WDFY2: variants seen among roughly 807,000 people sequenced by gnomAD.
WDFY2 encodes WD repeat and FYVE domain-containing protein 2.
Under a neutral mutation model 56.4 loss-of-function variants are expected in WDFY2, and 36 were observed. That is an observed-to-expected ratio of 0.64 (90% CI 0.49 to 0.84). The LOEUF is 0.84. Among genes scored for constraint, WDFY2 ranks in the 40% least tolerant of loss-of-function variants. The probability of loss-of-function intolerance (pLI) is 0.00; values close to 1 mark genes in which losing one functional copy is unlikely to be tolerated. For missense variants in WDFY2, 444 were observed against 512.2 expected (o/e 0.87, Z 1.29); for synonymous variants, 176 against 183.7 (o/e 0.96, Z 0.34).
chr13:51,703,225 G>T (rs2138582642), intron 3 of WDFY2, among the ~76,000 whole-genome samples: 1 of 152,248 alleles, frequency 6.6e-6, no homozygotes, highest in Admixed American at 6.5e-5. Flanking sequence ...TATTTCTTTA[G>T]CAGAAATGCT....
At chr13:51,733,966 C>G (rs1952779575) in intron 6 of WDFY2, among the ~76,000 whole-genome samples, 1 of 152,112 alleles carries the variant, frequency 6.6e-6, no homozygotes, top group Non-Finnish European at 1.5e-5. Context: ...AGATGGAGGG[C>G]CTTTAGCTTG....
At chr13:51,618,177 G>C (rs1954656340) in intron 1 of WDFY2, among the ~76,000 whole-genome samples, 1 of 152,200 alleles carries the variant, frequency 6.6e-6, no homozygotes, top group African/African-American at 2.4e-5. Context: ...ACTACCTGAA[G>C]CATATTAGTA....
rs889059338 is a variant in WDFY2, at chr13:51,617,491, C to T, written c.137+32667C>T. Among the ~76,000 whole-genome samples the T allele has an allele frequency of 2.6e-5, 4 of 152,216 alleles. No homozygotes were observed. In the East Asian group the frequency reaches 7.7e-4, roughly 29 times the overall value. On this transcript the variant is annotated intron_variant, in intron 1 of 11. Transcript: ENST00000298125. ...GTTCATCATTCAGTACAAAGTTGTC[C>T]TCATCTGGACATCATGAAGTCATTC...
At chr13:51,698,559 G>T (rs890405258) in intron 3 of WDFY2, among the ~76,000 whole-genome samples, 1 of 152,166 alleles carries the variant, frequency 6.6e-6, no homozygotes, top group African/African-American at 2.4e-5. Flanking sequence ...CAAATACGGT[G>T]TTAAATGCTG....
chr13:51,605,105 C>T (rs1023887565), intron 1 of WDFY2, among the ~76,000 whole-genome samples: 2 of 152,128 alleles, frequency 1.3e-5, no homozygotes, highest in Admixed American at 6.5e-5. Flanking sequence ...AAGAGAATGC[C>T]GCGGAAGCTG....
At chr13:51,599,780 A>G (rs1479673800) in intron 1 of WDFY2, among the ~76,000 whole-genome samples, 3 of 152,218 alleles carry the variant, frequency 2.0e-5, no homozygotes, top group South Asian at 2.1e-4. Flanking sequence ...ATCTTGCAAT[A>G]AAGTGACAAT....
chr13:51,610,699 C>A (rs1303215926), intron 1 of WDFY2, among the ~76,000 whole-genome samples: 2 of 152,198 alleles, frequency 1.3e-5, no homozygotes, highest in African/African-American at 4.8e-5. Flanking sequence ...GGACAACAGT[C>A]ATGAAAAACA....
intron 8 of WDFY2, chr13:51,752,946 C>G (rs1264376248): frequency 1.3e-5 from 2 of 152,194 alleles, no homozygotes; most frequent in Non-Finnish European, 2.9e-5. Flanking sequence ...GAAGTCATCT[C>G]TAACCTGAAG....
intron 1 of WDFY2, among the ~76,000 whole-genome samples, chr13:51,638,318 G>A (rs1395911601): frequency 6.6e-6 from 1 of 152,194 alleles, no homozygotes; most frequent in East Asian, 1.9e-4. Context: ...GTATTAATGA[G>A]AGTGTGAACT....
intron 1 of WDFY2, among the ~76,000 whole-genome samples, chr13:51,650,376 T>A (rs2138425232): frequency 6.6e-6 from 1 of 152,330 alleles, no homozygotes; most frequent in African/African-American, 2.4e-5. Context: ...ACAGTTTAAC[T>A]TCCTCTTTTC....
intron 2 of WDFY2, among the ~76,000 whole-genome samples, chr13:51,667,928 G>T (rs886657815): frequency 9.7e-6 from 1 of 103,026 alleles, no homozygotes; most frequent in South Asian, 3.3e-4. Context: ...GTCTTGCTCT[G>T]TCACCCAGGC....
At chr13:51,722,345 G>A (rs1310620209) in intron 5 of WDFY2, among the ~76,000 whole-genome samples, 1 of 151,998 alleles carries the variant, frequency 6.6e-6, no homozygotes, top group Non-Finnish European at 1.5e-5. Context: ...AAGTAGAAAA[G>A]TAAAGGAAGA....
At chr13:51,605,637 A>G (rs972093986) in intron 1 of WDFY2, among the ~76,000 whole-genome samples, 1 of 152,242 alleles carries the variant, frequency 6.6e-6, no homozygotes, top group African/African-American at 2.4e-5. Flanking sequence ...AAAGTTTCAC[A>G]TTACATAATT....
rs527784344 is a variant in WDFY2, at chr13:51,627,174, G to C, written c.138-33422G>C. Among the ~76,000 whole-genome samples, 413 of 152,338 alleles carry C rather than the reference G, an allele frequency of 2.7e-3. 7 individuals carry two copies. The highest frequency in any genetic ancestry group is 3.9e-3 in the Non-Finnish European group (263 of 68,030). On this transcript the variant is annotated intron_variant, in intron 1 of 11. Coordinates refer to ENST00000298125, the MANE Select transcript of WDFY2 (RefSeq NM_052950.4). Reference sequence around the variant, plus strand: ...GCACCTGGAAGCTTGGAGACACCAGGAACTGCAGAGCCCCAAAGAGAGTGT... The same window carrying C: ...GCACCTGGAAGCTTGGAGACACCAGCAACTGCAGAGCCCCAAAGAGAGTGT...
intron 3 of WDFY2, among the ~76,000 whole-genome samples, chr13:51,694,067 C>T (rs1367805294): frequency 1.3e-5 from 2 of 152,134 alleles, no homozygotes; most frequent in South Asian, 2.1e-4. Context: ...TATTTTGAGC[C>T]TATGTGTGTC....
intron 1 of WDFY2, among the ~76,000 whole-genome samples, chr13:51,654,263 T>G (rs1955464279): frequency 6.6e-6 from 1 of 152,198 alleles, no homozygotes; most frequent in African/African-American, 2.4e-5. Context: ...AAGCACAGTA[T>G]TAGGGTGGGA....
At chr13:51,683,204 G>A (rs1274935096) in intron 3 of WDFY2, among the ~76,000 whole-genome samples, 2 of 152,156 alleles carry the variant, frequency 1.3e-5, no homozygotes, top group Non-Finnish European at 2.9e-5. Context: ...AGGAAAAATT[G>A]CAAGCCATTA....
chr13:51,746,609 T>A (rs971097429), intron 7 of WDFY2, among the ~76,000 whole-genome samples: 1 of 152,248 alleles, frequency 6.6e-6, no homozygotes, highest in Non-Finnish European at 1.5e-5. Context: ...AATAACTATG[T>A]TTCCATGAAA....
At chr13:51,744,584 C>T (rs1158168706) in intron 7 of WDFY2, among the ~76,000 whole-genome samples, 1 of 152,174 alleles carries the variant, frequency 6.6e-6, no homozygotes, top group African/African-American at 2.4e-5. Context: ...ATGTTTGGAC[C>T]TGACAGACAT....
Sources: gnomAD v4.1 joint callset for allele counts (sites outside exome capture counted in the v4.1 genomes callset) on GRCh38, gnomAD v4.1.1 for gene constraint, MANE v1.5 for transcripts, NCBI Gene and HGNC (gene_info 2026-07-23, HGNC 2026-07-21) for gene names.